Variants in CDIN1 observed in about 807,000 individuals in gnomAD.
CDIN1 encodes CDAN1 interacting nuclease 1.
A neutral mutation model predicts 45.3 loss-of-function variants in CDIN1; 33 were observed. The observed-to-expected ratio is 0.73, with a 90% CI of 0.55 to 0.97. CDIN1 has a LOEUF of 0.97. Among genes scored for constraint, CDIN1 ranks in the 50% least tolerant of loss-of-function variants. The pLI is 0.00. For missense variants in CDIN1, 303 were observed against 339.4 expected (o/e 0.89, Z 0.84); for synonymous variants, 118 against 124.4 (o/e 0.95, Z 0.34).
chr15:36,734,463 G>A, intron 10 of CDIN1: 6 of 349,366 alleles, frequency 1.7e-5, no homozygotes, highest in South Asian at 1.5e-4. Context: ...TTAATTAACA[G>A]TATATCTCCA....
At chr15:36,619,913 AT>A (rs563736119) in intron 1 of CDIN1, among the ~76,000 whole-genome samples, 136 of 145,538 alleles carry the variant, frequency 9.3e-4, no homozygotes, top group Admixed American at 1.7e-3. Flanking sequence ...ACTTGAGTAG[AT>A]TTTTTTTTTT....
chr15:36,631,417 T>A (rs1235805595), intron 1 of CDIN1, among the ~76,000 whole-genome samples: 1 of 152,202 alleles, frequency 6.6e-6, no homozygotes, highest in Non-Finnish European at 1.5e-5. Flanking sequence ...ACTCCCGATC[T>A]TTCCCCTCCT....
At chr15:36,695,003 G>A (rs1291545079) in intron 7 of CDIN1, among the ~76,000 whole-genome samples, 1 of 152,160 alleles carries the variant, frequency 6.6e-6, no homozygotes, top group Middle Eastern at 3.2e-3. Context: ...ATTTAAAAAT[G>A]TGTTCCTTTA....
chr15:36,729,198 T>C (rs936072439), intron 10 of CDIN1, among the ~76,000 whole-genome samples: 13 of 152,160 alleles, frequency 8.5e-5, no homozygotes, highest in Non-Finnish European at 1.8e-4. Flanking sequence ...ACAGTACCAA[T>C]TGTGGAAATA....
At chr15:36,687,336 A>G (rs1395298846) in intron 5 of CDIN1, among the ~76,000 whole-genome samples, 1 of 152,200 alleles carries the variant, frequency 6.6e-6, no homozygotes, top group East Asian at 1.9e-4. Context: ...ATAATGACAC[A>G]ATAAAGTTCA....
chr15:36,757,063 C>G (rs956030943), intron 10 of CDIN1, among the ~76,000 whole-genome samples: 2 of 152,144 alleles, frequency 1.3e-5, no homozygotes. Context: ...AGGCTGGAAC[C>G]TGACAATAAA....
At chr15:36,658,174 C>T (rs1002587553) in intron 5 of CDIN1, 10 of 298,786 alleles carry the variant, frequency 3.3e-5, no homozygotes, top group East Asian at 1.2e-4. Context: ...GATTCATCTT[C>T]GTATATAGAA....
chr15:36,754,731 T>C (rs1408274521), intron 10 of CDIN1, among the ~76,000 whole-genome samples: 2 of 152,016 alleles, frequency 1.3e-5, no homozygotes, highest in East Asian at 1.9e-4. Flanking sequence ...TAATTGTTTT[T>C]AAAGAACGCA....
intron 10 of CDIN1, chr15:36,790,101 G>A (rs1035723976): frequency 8.5e-5 from 13 of 152,202 alleles, no homozygotes; most frequent in African/African-American, 2.9e-4. Flanking sequence ...ATGTGTCCCC[G>A]TTATGGACCT....
Position 36,692,129 on chromosome 15 carries a change from A to G in CDIN1, c.430A>G (p.Ile144Val), listed in dbSNP as rs770418040. Residue 144 changes from isoleucine (I) to valine (V), a missense_variant, in exon 7 of 11, where the codon ATT (isoleucine) becomes GTT (valine). Transcript: ENST00000566621. ...GVLANQVYQC[I>V]VNDCCYGPLV... is the part of the protein sequence containing the mutation. ...CCCTTTTCTTATTTGTCTGCAGTGC[A>G]TTGTGAACGACTGCTGTTACGGACC... is the stretch of plus-strand genomic sequence containing the variant. 1.8e-5 allele frequency: 29 copies of G among 1,613,682 alleles called. No homozygotes were observed. The highest frequency in any genetic ancestry group is 8.0e-5 in the African/African-American group (6 of 74,902).
At chr15:36,695,519 G>C (rs1449677128) in intron 7 of CDIN1, among the ~76,000 whole-genome samples, 1 of 152,056 alleles carries the variant, frequency 6.6e-6, no homozygotes, top group Non-Finnish European at 1.5e-5. Context: ...AAATTCCCCA[G>C]CCTCCCTGAA....
intron 1 of CDIN1, among the ~76,000 whole-genome samples, chr15:36,623,262 G>A (rs572617414): frequency 4.6e-5 from 7 of 152,084 alleles, no homozygotes; most frequent in Non-Finnish European, 1.0e-4. Context: ...AGAAAAAAAA[G>A]GATGAAGAAA....
intron 1 of CDIN1, among the ~76,000 whole-genome samples, chr15:36,588,374 G>A (rs1702115510): frequency 1.3e-5 from 2 of 152,128 alleles, no homozygotes; most frequent in Admixed American, 6.5e-5. Flanking sequence ...TGAAATGAAA[G>A]TTGATTCTCA....
At chr15:36,798,749 A>G (rs376039958) in intron 10 of CDIN1, 5 of 152,218 alleles carry the variant, frequency 3.3e-5, no homozygotes, top group African/African-American at 1.2e-4. Flanking sequence ...CATTCCCTCC[A>G]TTAGCGAATA....
intron 1 of CDIN1, chr15:36,626,769 C>T (rs980448671): frequency 6.7e-5 from 24 of 355,754 alleles, no homozygotes; most frequent in Non-Finnish European, 1.1e-4. Context: ...ACTTGGTGTG[C>T]GTTACTGATG....
At chr15:36,622,137 C>T (rs1294259366) in intron 1 of CDIN1, among the ~76,000 whole-genome samples, 3 of 152,130 alleles carry the variant, frequency 2.0e-5, no homozygotes, top group Non-Finnish European at 4.4e-5. Flanking sequence ...CATGGTGTCA[C>T]CTGCTTTTGA....
intron 1 of CDIN1, among the ~76,000 whole-genome samples, chr15:36,595,271 A>G (rs936095605): frequency 3.4e-5 from 5 of 146,786 alleles, no homozygotes; most frequent in Non-Finnish European, 6.0e-5. Context: ...TTTGAAGTGC[A>G]TTGGCTAATA....
intron 7 of CDIN1, among the ~76,000 whole-genome samples, chr15:36,694,487 G>A (rs905389117): frequency 1.3e-5 from 2 of 152,204 alleles, no homozygotes; most frequent in African/African-American, 4.8e-5. Context: ...GTTTGTGTAA[G>A]TAGAATAAAG....
In CDIN1 at chr15:36,619,197, T is replaced by C. The variant is rs141760095; in HGVS notation, c.102-25081T>C. 8.4e-6 allele frequency: 11 copies of C among 1,308,808 alleles called. No homozygotes were observed. The East Asian group carries it at 2.5e-4, about 30-fold the overall frequency. The allele number at this position is 1,308,808 out of a possible 1,614,324, so 81.1% of individuals were successfully genotyped here. A position where few individuals can be genotyped will look rare whatever the true frequency, so the allele number is the denominator to read the frequency against. ...GGGAACAGAGATGCCAGTTTAGTCG[T>C]AGGGCTATACCTCAGGGAGTGACAT... On this transcript the variant is annotated intron_variant, in intron 1 of 10. Coordinates refer to ENST00000566621, the MANE Select transcript of CDIN1 (RefSeq NM_001321759.2).
Sources: allele counts gnomAD v4.1 joint callset (sites outside exome capture counted in the v4.1 genomes callset), GRCh38; gene constraint gnomAD v4.1.1; transcripts MANE v1.5; gene names NCBI Gene and HGNC (gene_info 2026-07-23, HGNC 2026-07-21).